GIPC1: variants seen among roughly 807,000 people sequenced by gnomAD.
GIPC1 encodes the protein GIPC PDZ domain containing family member 1, also known as PDZ domain-containing protein GIPC1.
Under a neutral mutation model 28.5 loss-of-function variants are expected in GIPC1, and 15 were observed. The observed-to-expected ratio is 0.53, with a 90% CI of 0.35 to 0.81. The LOEUF is 0.81. Among genes scored for constraint, GIPC1 ranks in the 30% least tolerant of loss-of-function variants. The pLI is 0.01. For synonymous variants in GIPC1, 224 were observed against 206.1 expected (o/e 1.09, Z -0.74); for missense variants, 439 against 481.9 (o/e 0.91, Z 0.83).
Position 14,478,434 on chromosome 19 carries a change from G to C in GIPC1, c.984C>G (p.Ala328=), listed in dbSNP as rs886982521. The change falls in exon 9 of 9, where the codon GCC becomes GCG. Residue 328 remains alanine (A), a synonymous_variant. Transcript: ENST00000393033. The surrounding 1 kb of genome is among the most constrained non-coding windows in gnomAD (Gnocchi z 5.2). The part of the protein sequence containing the change: ...VFDVWGAIGD[A]KVGRY ...GGCAGTCCTAGTAGCGGCCGACCTT[G>C]GCGTCCCCAATGGCGCCCCAGACGT... 33 of 1,610,518 alleles carry C rather than the reference G, an allele frequency of 2.0e-5. No individual in the cohort carries two copies. The highest frequency in any genetic ancestry group is 2.3e-5 in the Non-Finnish European group (27 of 1,178,678).
At chr19:14,494,381 C>T (rs558092595) in intron 1 of GIPC1, among the ~76,000 whole-genome samples, 13 of 278 alleles carry the variant, frequency 0.047, no homozygotes, top group South Asian at 0.44. Flanking sequence ...CGTGAGCCAC[C>T]GCGCCCGGGC....
In GIPC1 at chr19:14,478,856, A is replaced by G; in HGVS notation, c.769-91T>C. The G allele has an allele frequency of 1.0e-6, 1 of 978,610 alleles. No homozygotes were observed. Among genetic ancestry groups the G allele is most frequent in the Non-Finnish European group, 1.6e-6 (1 of 607,824 alleles). The allele number at this position is 978,610 out of a possible 1,614,324, so 60.6% of individuals were successfully genotyped here. A position where few individuals can be genotyped will look rare whatever the true frequency, so the allele number is the denominator to read the frequency against. On this transcript the variant is annotated intron_variant, in intron 7 of 8. Transcript: ENST00000393033. The surrounding 1 kb of genome is among the most constrained non-coding windows in gnomAD (Gnocchi z 5.2). ...CTGCCATTGTCACCACTTTACATATATTCGTATTTAGACCTCAGGACAACC... is the reference window on the plus strand; with the variant it reads ...CTGCCATTGTCACCACTTTACATATGTTCGTATTTAGACCTCAGGACAACC...
intron 3 of GIPC1, among the ~76,000 whole-genome samples, chr19:14,490,538 G>A (rs1441083700): frequency 4.7e-5 from 7 of 149,366 alleles, no homozygotes; most frequent in Non-Finnish European, 7.4e-5. Flanking sequence ...TTAGCTGGGT[G>A]TAGTGGCACA....
Position 14,478,368 on chromosome 19 carries a change from C to T in GIPC1, c.*48G>A, listed in dbSNP as rs1457358601. 2 of 1,540,488 alleles carry T rather than the reference C, an allele frequency of 1.3e-6. No individual in the cohort carries two copies. Among genetic ancestry groups the T allele is most frequent in the African/African-American group, 2.7e-5 (2 of 73,308 alleles). On this transcript the variant is annotated 3_prime_UTR_variant, in exon 9 of 9. Transcript: ENST00000393033. This position sits in a 1 kb window ranked among gnomAD's most constrained non-coding sequence, Gnocchi z 5.2. ...TGACGTCAGTGTCCCTGCTGGGGGC[C>T]CCCACCAGGTTGCGCCCGGGTCATC...
chr19:14,491,203 G>A (rs1195790164), intron 3 of GIPC1, among the ~76,000 whole-genome samples: 1 of 151,306 alleles, frequency 6.6e-6, no homozygotes, highest in African/African-American at 2.4e-5. Context: ...ACTTCCTGGT[G>A]CCTCCTATCC....
rs2071642332 is a variant in GIPC1, at chr19:14,478,272, G to A, written c.*144C>T. 4.9e-6 allele frequency: 4 copies of A among 817,316 alleles called. No homozygotes were observed. The highest frequency in any genetic ancestry group is 7.5e-6 in the Non-Finnish European group (4 of 530,308). 50.6% of individuals were successfully genotyped at this position (817,316 alleles called of 1,614,324 possible). On this transcript the variant is annotated 3_prime_UTR_variant, in exon 9 of 9. Coordinates refer to ENST00000393033, the MANE Select transcript of GIPC1 (RefSeq NM_005716.4). This position sits in a 1 kb window ranked among gnomAD's most constrained non-coding sequence, Gnocchi z 5.2. ...TGGTACCGATTGGAGCGGGGCAGGGGGCCTGGCCCCACCTCCCCTCACCAT... is the reference window on the plus strand; with the variant it reads ...TGGTACCGATTGGAGCGGGGCAGGGAGCCTGGCCCCACCTCCCCTCACCAT...
In GIPC1 at chr19:14,478,776, GGGA is replaced by G; in HGVS notation, c.769-14_769-12del. On this transcript the variant is annotated splice_polypyrimidine_tract_variant and intron_variant, in intron 7 of 8. Transcript: ENST00000393033. The surrounding 1 kb of genome is among the most constrained non-coding windows in gnomAD (Gnocchi z 5.2). ...TTCAAAGGCAGAGGGCTGGGGGCCA[GGGA>G]GGGGTGACAGCGACATCATAACAAT... 6.2e-7 allele frequency: 1 copy of G among 1,601,082 alleles called. No individual in the cohort carries two copies. Among genetic ancestry groups the G allele is most frequent in the Non-Finnish European group, 8.6e-7 (1 of 1,168,258 alleles).
chr19:14,482,744 T>C lies in GIPC1; in HGVS notation c.233A>G (p.Asn78Ser), dbSNP rs780809466. ...GATCTTGCCATACAGCTCCTTGACG[T>C]TGGTGAAGCCCTCGATGCGGCCAGT... ...SPTGRIEGFTNVKELYGKIAE... is the reference protein window; with the variant it reads ...SPTGRIEGFTSVKELYGKIAE... The change falls in exon 4 of 9, where the codon AAC becomes AGC. Residue 78 changes from asparagine to serine, a missense_variant. Physicochemically the swap from Asn to Ser is conservative, Grantham distance 46. Coordinates refer to ENST00000393033, the MANE Select transcript of GIPC1 (RefSeq NM_005716.4). 7 of 1,611,644 alleles carry C rather than the reference T, an allele frequency of 4.3e-6. No individual in the cohort carries two copies. Among genetic ancestry groups the C allele is most frequent in the South Asian group, 1.1e-5 (1 of 90,952 alleles).
intron 3 of GIPC1, chr19:14,483,282 C>T (rs1001206456): frequency 2.2e-5 from 7 of 324,600 alleles, no homozygotes; most frequent in Non-Finnish European, 4.0e-5. Context: ...ATGGTGAAAC[C>T]CCACCTCTAC....
intron 3 of GIPC1, among the ~76,000 whole-genome samples, chr19:14,491,406 G>A (rs978100806): frequency 2.6e-5 from 4 of 151,838 alleles, no homozygotes; most frequent in Admixed American, 6.6e-5. Flanking sequence ...TTACAGGTGC[G>A]TGCCACCACA....
chr19:14,485,684 A>AATAT (rs141749727), intron 3 of GIPC1, among the ~76,000 whole-genome samples: 7,119 of 71,430 alleles, frequency 0.1, 388 homozygotes, highest in East Asian at 0.13. Context: ...TAAATAAACA[A>AATAT]ATATATATAT....
intron 4 of GIPC1, chr19:14,481,987 G>A (rs2071739734): frequency 6.5e-6 from 1 of 153,124 alleles, no homozygotes; most frequent in African/African-American, 2.4e-5. Flanking sequence ...CTCGTATCTG[G>A]CCTCTAGCCT....
At chr19:14,485,702 T>TATATATAGAGAG (rs1300117748) in intron 3 of GIPC1, among the ~76,000 whole-genome samples, 110 of 58,740 alleles carry the variant, frequency 1.9e-3, no homozygotes, top group Non-Finnish European at 3.3e-3. Context: ...TATATATATA[T>TATATATAGAGAG]AGAGAGAGAG....
chr19:14,486,345 C>A (rs71334705), intron 3 of GIPC1, among the ~76,000 whole-genome samples: 9 of 152,104 alleles, frequency 5.9e-5, no homozygotes, highest in African/African-American at 1.4e-4. Context: ...TGACTCTCCC[C>A]CTTTGGACCA....
chr19:14,488,950 G>A (rs1164446402), intron 3 of GIPC1, among the ~76,000 whole-genome samples: 4 of 151,178 alleles, frequency 2.6e-5, no homozygotes, highest in Non-Finnish European at 5.9e-5. Context: ...TTTTTTAATG[G>A]GGTCTCACTC....
At chr19:14,490,307 G>A (rs535839894) in intron 3 of GIPC1, among the ~76,000 whole-genome samples, 27 of 151,838 alleles carry the variant, frequency 1.8e-4, no homozygotes, top group African/African-American at 6.3e-4. Flanking sequence ...TGGAGGTTGC[G>A]GTGAATCAAG....
At position 14,489,593 on chromosome 19, in the gene GIPC1, T is replaced by C. The variant is rs757396464; in HGVS notation, c.-31+2063A>G. 1.1e-4 allele frequency: 125 copies of C among 1,151,774 alleles called. No individual in the cohort carries two copies. In the Middle Eastern group the frequency reaches 1.1e-3, roughly 10 times the overall value. 71.3% of individuals were successfully genotyped at this position (1,151,774 alleles called of 1,614,324 possible). ...GAAATACGAGGAAATAGTATCATCA[T>C]GTTAGAAGCCTTGGAATGAGTATAA... On this transcript the variant is annotated intron_variant, in intron 3 of 8. Coordinates refer to ENST00000393033, the MANE Select transcript of GIPC1 (RefSeq NM_005716.4).
rs765186551 is a variant in GIPC1 at position 14,480,726 on chromosome 19, C to T, written c.341G>A (p.Gly114Glu). 1 of 1,614,040 alleles carries T rather than the reference C, an allele frequency of 6.2e-7. No homozygotes were observed. The highest frequency in any genetic ancestry group is 8.5e-7 in the Non-Finnish European group (1 of 1,179,878). ...GAAGTCCTCCAGCCCGATCTGGCCCCCCAGGAGCTTGTCCATGTCCACTTT... is the reference window on the plus strand; with the variant it reads ...GAAGTCCTCCAGCCCGATCTGGCCCTCCAGGAGCTTGTCCATGTCCACTTT... The part of the protein sequence containing the change: ...THKVDMDKLL[G>E]GQIGLEDFIF... The change falls in exon 5 of 9, where the codon GGG (glycine) becomes GAG (glutamate). Residue 114 changes from glycine to glutamate, a missense_variant. Transcript: ENST00000393033.
chr19:14,481,269 C>T (rs950300487), intron 4 of GIPC1, among the ~76,000 whole-genome samples: 44 of 152,084 alleles, frequency 2.9e-4, no homozygotes, highest in African/African-American at 1.1e-3. Flanking sequence ...ACCACACCCA[C>T]ATAGTTAAAA....
Sources: allele counts gnomAD v4.1 joint callset (sites outside exome capture counted in the v4.1 genomes callset), GRCh38; gene constraint gnomAD v4.1.1; non-coding constraint Gnocchi (gnomAD v3.1); transcripts MANE v1.5; gene names NCBI Gene and HGNC (gene_info 2026-07-23, HGNC 2026-07-21).